The following ZFHX3 variants were observed in gnomAD, a reference collection of about 807,000 sequenced individuals.
ZFHX3 encodes zinc finger homeobox protein 3.
In ZFHX3, 42 loss-of-function variants were observed where a neutral mutation model predicts 279.1. The ratio of observed to expected loss-of-function variants is 0.15; its 90% CI spans 0.12 to 0.19. ZFHX3 has a LOEUF of 0.19. Among genes scored for constraint, ZFHX3 ranks in the 10% least tolerant of loss-of-function variants. ZFHX3 has a pLI of 1.00. For missense variants in ZFHX3, 4,981 were observed against 4,754.0 expected, an observed-to-expected ratio of 1.05 and a Z score of -1.40; for synonymous variants, 2,293 against 1,957.8, an observed-to-expected ratio of 1.17 and a Z score of -4.52.
At chr16:73,424,666 A>T (rs1181790656) in intron 3 of ZFHX3, among the ~76,000 whole-genome samples, 4 of 144,090 alleles carry the variant, frequency 2.8e-5, no homozygotes, top group African/African-American at 1.0e-4. Flanking sequence ...AGATGGGAGG[A>T]GCACTTGAGC....
intron 2 of ZFHX3, among the ~76,000 whole-genome samples, chr16:73,603,460 G>A (rs1205375852): frequency 6.6e-6 from 1 of 151,992 alleles, no homozygotes; most frequent in Non-Finnish European, 1.5e-5. Context: ...AATAAGATGG[G>A]CAAAGATTAA....
At chr16:72,904,981 G>A (rs1180607474) in intron 3 of ZFHX3, among the ~76,000 whole-genome samples, 4 of 152,196 alleles carry the variant, frequency 2.6e-5, no homozygotes, top group African/African-American at 9.6e-5. Context: ...ACAGGTGCCC[G>A]CCACCATGCC....
intron 3 of ZFHX3, among the ~76,000 whole-genome samples, chr16:73,416,939 T>G (rs890722844): frequency 6.6e-6 from 1 of 151,960 alleles, no homozygotes; most frequent in African/African-American, 2.4e-5. Context: ...TCCCAAAATA[T>G]ACTTAACAGT....
chr16:72,816,139 CTT>C (rs201045588), intron 5 of ZFHX3, among the ~76,000 whole-genome samples: 13 of 150,028 alleles, frequency 8.7e-5, no homozygotes, highest in African/African-American at 2.4e-4. Context: ...TCATGGAACA[CTT>C]TAAGTTTTTC....
chr16:73,537,602 T>G (rs1235857572), intron 2 of ZFHX3, among the ~76,000 whole-genome samples: 1 of 152,186 alleles, frequency 6.6e-6, no homozygotes, highest in African/African-American at 2.4e-5. Flanking sequence ...AGATCACTTC[T>G]TAATGACTTA....
At chr16:73,103,288 C>T (rs999532132) in intron 7 of ZFHX3, among the ~76,000 whole-genome samples, 6 of 152,076 alleles carry the variant, frequency 3.9e-5, no homozygotes, top group African/African-American at 1.4e-4. Flanking sequence ...AAATCCTGGG[C>T]CGTGAGTATC....
chr16:73,512,074 A>G (rs1262382504), intron 2 of ZFHX3, among the ~76,000 whole-genome samples: 1 of 152,036 alleles, frequency 6.6e-6, no homozygotes, highest in Non-Finnish European at 1.5e-5. Flanking sequence ...TGCCCTGGGA[A>G]TTAATAGCTT....
At chr16:72,838,181 T>C (rs556249412) in intron 4 of ZFHX3, among the ~76,000 whole-genome samples, 1 of 152,128 alleles carries the variant, frequency 6.6e-6, no homozygotes, top group East Asian at 1.9e-4. Flanking sequence ...GGCATCAGGC[T>C]CTAAGAATCA....
At chr16:72,923,332 C>T (rs1335609083) in intron 3 of ZFHX3, among the ~76,000 whole-genome samples, 1 of 151,716 alleles carries the variant, frequency 6.6e-6, no homozygotes, top group Non-Finnish European at 1.5e-5. Flanking sequence ...ATAGTTCCAG[C>T]TACTCGGGAG....
intron 4 of ZFHX3, among the ~76,000 whole-genome samples, chr16:72,845,110 G>A (rs1157327202): frequency 1.3e-5 from 2 of 152,168 alleles, no homozygotes; most frequent in East Asian, 1.9e-4. Context: ...GCGGACACCA[G>A]AGGCTTGCTT....
intron 4 of ZFHX3, among the ~76,000 whole-genome samples, chr16:73,293,187 G>A (rs2014817868): frequency 6.6e-6 from 1 of 152,226 alleles, no homozygotes; most frequent in Non-Finnish European, 1.5e-5. Context: ...AGGCAGCTGT[G>A]AGAAACCACT....
chr16:73,381,988 T>C (rs1292726107), intron 3 of ZFHX3, among the ~76,000 whole-genome samples: 1 of 152,170 alleles, frequency 6.6e-6, no homozygotes, highest in Non-Finnish European at 1.5e-5. Flanking sequence ...AGCTAGACAA[T>C]ACATAAATGA....
At chr16:73,495,117 T>C (rs764727157) in intron 2 of ZFHX3, among the ~76,000 whole-genome samples, 12 of 152,248 alleles carry the variant, frequency 7.9e-5, no homozygotes, top group Non-Finnish European at 1.6e-4. Flanking sequence ...TTTCTAATAA[T>C]TGTGATGGAT....
intron 2 of ZFHX3, among the ~76,000 whole-genome samples, chr16:73,477,206 C>T (rs959317806): frequency 1.3e-5 from 2 of 152,106 alleles, no homozygotes; most frequent in Non-Finnish European, 2.9e-5. Context: ...AAATAACTAC[C>T]GATTTTTAAA....
chr16:73,409,323 A>C (rs13333154), intron 3 of ZFHX3, among the ~76,000 whole-genome samples: 7,761 of 152,238 alleles, frequency 0.051, 485 homozygotes, highest in African/African-American at 0.13. Flanking sequence ...AGACAAGAAA[A>C]TATGGTTTCA....
intron 1 of ZFHX3, among the ~76,000 whole-genome samples, chr16:73,806,701 C>T (rs1256524268): frequency 2.6e-5 from 4 of 152,194 alleles, no homozygotes; most frequent in Non-Finnish European, 5.9e-5. Context: ...TCATTGCTTG[C>T]CCTTTTTTAA....
chr16:73,227,938 G>A (rs1237601927), intron 5 of ZFHX3, among the ~76,000 whole-genome samples: 1 of 145,832 alleles, frequency 6.9e-6, no homozygotes, highest in Non-Finnish European at 1.5e-5. Context: ...CCTTCATTAT[G>A]TATAGACTCT....
At chr16:72,812,766 C>T (rs1441116526) in intron 5 of ZFHX3, among the ~76,000 whole-genome samples, 1 of 152,162 alleles carries the variant, frequency 6.6e-6, no homozygotes, top group Non-Finnish European at 1.5e-5. Context: ...CTCCATGCCC[C>T]TCTTGCTTAC....
At chr16:72,841,248 G>C (rs1322362905) in intron 4 of ZFHX3, among the ~76,000 whole-genome samples, 1 of 152,166 alleles carries the variant, frequency 6.6e-6, no homozygotes, top group Non-Finnish European at 1.5e-5. Context: ...CAGTCCCCAA[G>C]CATGCATCAG....
Sources: gnomAD v4.1 joint callset for allele counts (sites outside exome capture counted in the v4.1 genomes callset) on GRCh38, gnomAD v4.1.1 for gene constraint, MANE v1.5 for transcripts, NCBI Gene and HGNC (gene_info 2026-07-23, HGNC 2026-07-21) for gene names.